The following ANK3 variants were observed in gnomAD, a reference collection of about 807,000 sequenced individuals.
ANK3 encodes the protein ankyrin 3, also known as ankyrin-3.
ANK3 carries 57 observed loss-of-function variants against 370.9 expected under a neutral mutation model. That is an observed-to-expected ratio of 0.15 (90% confidence interval 0.12 to 0.19). ANK3 has a LOEUF of 0.19. Ranked by LOEUF, ANK3 falls within the 10% of genes least tolerant of loss-of-function variation. ANK3 has a pLI of 1.00. For synonymous variants in ANK3, 1,929 were observed against 1,946.3 expected (o/e 0.99, Z 0.23); for missense variants, 4,439 against 5,302.1 (o/e 0.84, Z 5.06).
At chr10:60,123,042 C>G (rs910424843) in intron 25 of ANK3, among the ~76,000 whole-genome samples, 2 of 152,130 alleles carry the variant, frequency 1.3e-5, no homozygotes, top group African/African-American at 4.8e-5. Flanking sequence ...TTGTCAGAAC[C>G]TATTAGCCCT....
chr10:60,615,323 A>G, intron 1 of ANK3: 1 of 756,900 alleles, frequency 1.3e-6, no homozygotes, highest in Non-Finnish European at 2.0e-6. Flanking sequence ...TTGACTTATA[A>G]ACATAGTAAG....
At chr10:60,376,623 C>G (rs2060816060) in intron 1 of ANK3, among the ~76,000 whole-genome samples, 3 of 152,198 alleles carry the variant, frequency 2.0e-5, no homozygotes, top group Admixed American at 1.3e-4. Flanking sequence ...AGCCACTGGG[C>G]AGGACTGGAA....
intron 2 of ANK3, among the ~76,000 whole-genome samples, chr10:60,441,031 T>G (rs1325300164): frequency 1.3e-5 from 2 of 152,124 alleles, no homozygotes; most frequent in African/African-American, 2.4e-5. Flanking sequence ...TTAGGAGTAT[T>G]GCCTACGGGC....
intron 2 of ANK3, among the ~76,000 whole-genome samples, chr10:60,585,006 T>G (rs1302320332): frequency 6.6e-6 from 1 of 152,170 alleles, no homozygotes; most frequent in Non-Finnish European, 1.5e-5. Flanking sequence ...GAAGGGGCAT[T>G]GGGTATCCTT....
intron 8 of ANK3, among the ~76,000 whole-genome samples, chr10:60,219,964 T>G (rs1478232416): frequency 6.6e-6 from 1 of 152,208 alleles, no homozygotes; most frequent in Non-Finnish European, 1.5e-5. Flanking sequence ...ATCTTCTGCC[T>G]TTTATGTTGA....
intron 2 of ANK3, among the ~76,000 whole-genome samples, chr10:60,456,827 C>A (rs1202168481): frequency 6.6e-6 from 1 of 152,166 alleles, no homozygotes; most frequent in Non-Finnish European, 1.5e-5. Flanking sequence ...ATCTCCAACA[C>A]TAGATTTTTG....
intron 1 of ANK3, among the ~76,000 whole-genome samples, chr10:60,335,974 G>T (rs113316717): frequency 6.6e-6 from 1 of 152,060 alleles, no homozygotes; most frequent in African/African-American, 2.4e-5. Flanking sequence ...AGCAATAACC[G>T]TAAGTGCCCA....
intron 1 of ANK3, among the ~76,000 whole-genome samples, chr10:60,364,868 G>A: frequency 6.6e-6 from 1 of 151,028 alleles, no homozygotes; most frequent in Non-Finnish European, 1.5e-5. Flanking sequence ...AAAAAAAAAG[G>A]AAACATAAAT....
intron 2 of ANK3, among the ~76,000 whole-genome samples, chr10:60,566,889 C>A (rs1469996282): frequency 2.6e-5 from 4 of 152,042 alleles, no homozygotes; most frequent in African/African-American, 9.7e-5. Context: ...AAAAACAAAA[C>A]AAAACAAAAA....
chr10:60,385,395 G>A (rs574154607), intron 1 of ANK3, among the ~76,000 whole-genome samples: 46 of 151,828 alleles, frequency 3.0e-4, no homozygotes, highest in Middle Eastern at 3.4e-3. Context: ...TGGGCTCCTG[G>A]GGCTCCCTCT....
In ANK3 at chr10:60,063,218, C is replaced by A; in HGVS notation, c.12488G>T (p.Arg4163Leu). ...ALTSVLTKIN[R>L]IDIVTLLEGP... ...TTCTAGCAGTGTCACTATATCTATT[C>A]GATTAATTTTTGTCAAGACCGAAGT... is the stretch of plus-strand genomic sequence containing the variant. Residue 4163 changes from arginine (R) to leucine (L), a missense_variant, in exon 40 of 44, where the codon CGA becomes CTA. This residue lies in a region of ANK3 where 99 missense variants were observed against 150.7 expected (regional missense o/e 0.66). Transcript: ENST00000280772. The A allele has an allele frequency of 1.2e-6, 2 of 1,607,924 alleles. No homozygotes were observed. Among genetic ancestry groups the A allele is most frequent in the Non-Finnish European group, 1.7e-6 (2 of 1,177,864 alleles).
intron 1 of ANK3, among the ~76,000 whole-genome samples, chr10:60,644,905 C>T (rs868132561): frequency 3.1e-4 from 13 of 41,508 alleles, no homozygotes; most frequent in Non-Finnish European, 4.0e-4. Context: ...AAAAAAAAAA[C>T]GATGAGTCAT....
intron 1 of ANK3, among the ~76,000 whole-genome samples, chr10:60,652,693 TAA>T (rs35856343): frequency 2.9e-5 from 4 of 135,626 alleles, no homozygotes; most frequent in African/African-American, 8.3e-5. Context: ...AGGCAAAATG[TAA>T]AAAAAAAAAA....
intron 2 of ANK3, among the ~76,000 whole-genome samples, chr10:60,469,767 A>C (rs575026802): frequency 6.7e-6 from 1 of 148,926 alleles, no homozygotes; most frequent in African/African-American, 2.5e-5. Flanking sequence ...TTCCAATTGT[A>C]AACTTTTACT....
At chr10:60,569,941 C>G (rs1015886895) in intron 2 of ANK3, among the ~76,000 whole-genome samples, 1 of 152,108 alleles carries the variant, frequency 6.6e-6, no homozygotes, top group Non-Finnish European at 1.5e-5. Flanking sequence ...TGACCACACC[C>G]TCCCCTGCTT....
intron 1 of ANK3, among the ~76,000 whole-genome samples, chr10:60,731,464 G>A (rs1470827004): frequency 6.6e-6 from 1 of 152,162 alleles, no homozygotes; most frequent in African/African-American, 2.4e-5. Context: ...AAAGAACACT[G>A]AGAACCATCA....
chr10:60,289,697 C>T (rs1198479016), intron 1 of ANK3, among the ~76,000 whole-genome samples: 1 of 152,128 alleles, frequency 6.6e-6, no homozygotes, highest in Non-Finnish European at 1.5e-5. Context: ...GCCTTATGCC[C>T]CCTGCTTTTC....
intron 7 of ANK3, among the ~76,000 whole-genome samples, chr10:60,251,654 G>A (rs1408632259): frequency 2.6e-5 from 4 of 152,224 alleles, no homozygotes; most frequent in Non-Finnish European, 5.9e-5. Flanking sequence ...AAGTAGAAGT[G>A]CATCATACTA....
At chr10:60,140,468 C>T in intron 23 of ANK3, 11 of 1,605,280 alleles carry the variant, frequency 6.9e-6, no homozygotes, top group Non-Finnish European at 9.4e-6. Flanking sequence ...GGAAACCAAT[C>T]CCTGGTTTGT....
Sources: allele counts gnomAD v4.1 joint callset (sites outside exome capture counted in the v4.1 genomes callset), GRCh38; gene constraint gnomAD v4.1.1; regional missense constraint gnomAD v4.1.1; transcripts MANE v1.5; gene names NCBI Gene and HGNC (gene_info 2026-07-23, HGNC 2026-07-21).